Variants in FNBP4 observed in about 807,000 individuals in gnomAD.
FNBP4 encodes formin-binding protein 4.
FNBP4 carries 34 observed loss-of-function variants against 119.3 expected under a neutral mutation model. The ratio of observed to expected loss-of-function variants is 0.28; its 90% CI spans 0.22 to 0.38. FNBP4 has a LOEUF of 0.38. Ranked by LOEUF, FNBP4 falls within the 10% of genes least tolerant of loss-of-function variation. The pLI is 1.00. For missense variants in FNBP4, 1,112 were observed against 1,228.9 expected, an observed-to-expected ratio of 0.90 and a Z score of 1.42; for synonymous variants, 462 against 430.6, an observed-to-expected ratio of 1.07 and a Z score of -0.90.
intron 11 of FNBP4, chr11:47,731,963 G>A (rs771408349): frequency 6.1e-5 from 61 of 996,640 alleles, no homozygotes; most frequent in East Asian, 1.1e-4. Flanking sequence ...CTCTTGGACC[G>A]TGGAATTCAC....
intron 2 of FNBP4, among the ~76,000 whole-genome samples, chr11:47,755,326 G>C (rs1467602668): frequency 6.6e-6 from 1 of 151,134 alleles, no homozygotes; most frequent in Admixed American, 6.6e-5. Flanking sequence ...GCACATGCCT[G>C]TAATCCCAGC....
At chr11:47,722,922 TA>T in intron 15 of FNBP4, 53 bp downstream of exon 15, 3 of 1,443,014 alleles carry the variant, frequency 2.1e-6, no homozygotes, top group Admixed American at 5.1e-5. Context: ...TATGTGAATA[TA>T]ACCTCAATAA....
At chr11:47,762,576 G>A (rs1192118406) in intron 2 of FNBP4, among the ~76,000 whole-genome samples, 2 of 152,008 alleles carry the variant, frequency 1.3e-5, no homozygotes, top group Non-Finnish European at 2.9e-5. Flanking sequence ...AGGCCCACAG[G>A]TGCTCATCAG....
At position 47,730,865 on chromosome 11, in the gene FNBP4, T is replaced by C. The variant is rs115813017; in HGVS notation, c.2008+509A>G. On this transcript the variant is annotated intron_variant, in intron 12 of 16. Coordinates refer to ENST00000263773, the MANE Select transcript of FNBP4 (RefSeq NM_015308.5). ...CCAGAAGATTGCTGGTGATTTTTCATGATCAATTATTTTGCTTCTCTGAAA... is the reference window on the plus strand; with the variant it reads ...CCAGAAGATTGCTGGTGATTTTTCACGATCAATTATTTTGCTTCTCTGAAA... Among the ~76,000 whole-genome samples the C allele has an allele frequency of 7.9e-3, 1,209 of 152,368 alleles. 17 individuals carry two copies. Among genetic ancestry groups the C allele is most frequent in the African/African-American group, 0.027 (1,125 of 41,584 alleles).
intron 8 of FNBP4, among the ~76,000 whole-genome samples, chr11:47,739,954 ATTTTT>A (rs2097579518): frequency 1.0e-5 from 1 of 98,352 alleles, no homozygotes; most frequent in Non-Finnish European, 2.1e-5. Flanking sequence ...AGTTTTATGT[ATTTTT>A]GTTTGTTTGT....
chr11:47,740,579 C>G (rs2097580472), intron 8 of FNBP4, among the ~76,000 whole-genome samples: 1 of 149,580 alleles, frequency 6.7e-6, no homozygotes, highest in Non-Finnish European at 1.5e-5. Context: ...GATCTTTAAG[C>G]ACAACATACA....
intron 9 of FNBP4, among the ~76,000 whole-genome samples, chr11:47,735,592 C>CA (rs2097572888): frequency 1.3e-5 from 2 of 152,180 alleles, no homozygotes; most frequent in African/African-American, 4.8e-5. Context: ...TACTGCTTCT[C>CA]AAACAAGAGG....
intron 2 of FNBP4, among the ~76,000 whole-genome samples, chr11:47,761,354 G>C (rs2097633996): frequency 1.3e-5 from 2 of 152,116 alleles, no homozygotes; most frequent in Admixed American, 1.3e-4. Context: ...CAGCACTTTG[G>C]GAGGCTGAGA....
Position 47,767,326 on chromosome 11 carries a change from G to C in FNBP4, c.-38C>G, listed in dbSNP as rs1252503697. ...CGCGAGCAGAGAGCGTCGGGCGGCC[G>C]AGAGGGGCGGGCACTGGAGGCTGGG... is the stretch of plus-strand genomic sequence containing the variant. On this transcript the variant is annotated 5_prime_UTR_variant, in exon 1 of 17. Coordinates refer to ENST00000263773, the MANE Select transcript of FNBP4 (RefSeq NM_015308.5). 1.4e-6 allele frequency: 2 copies of C among 1,440,790 alleles called. No individual in the cohort carries two copies. Among genetic ancestry groups the C allele is most frequent in the African/African-American group, 1.5e-5 (1 of 67,678 alleles). The allele number at this position is 1,440,790 out of a possible 1,614,324, so 89.3% of individuals were successfully genotyped here.
chr11:47,751,649 AT>A (rs200062902), intron 4 of FNBP4, among the ~76,000 whole-genome samples: 5 of 152,088 alleles, frequency 3.3e-5, no homozygotes, highest in Admixed American at 6.6e-5. Context: ...CTTTGAACAC[AT>A]TTTTTAAAAA....
At chr11:47,751,781 G>A (rs2097604671) in intron 4 of FNBP4, among the ~76,000 whole-genome samples, 1 of 151,984 alleles carries the variant, frequency 6.6e-6, no homozygotes, top group Non-Finnish European at 1.5e-5. Flanking sequence ...CAGAAACCCT[G>A]TCTCTACTAA....
At chr11:47,740,179 C>G (rs992677198) in intron 8 of FNBP4, among the ~76,000 whole-genome samples, 1 of 151,900 alleles carries the variant, frequency 6.6e-6, no homozygotes, top group Non-Finnish European at 1.5e-5. Flanking sequence ...CTTTGGGAGG[C>G]AGAGACGGGC....
In FNBP4 at chr11:47,717,018, T is replaced by C. The variant is rs915652060; in HGVS notation, c.*404A>G. 1.3e-5 allele frequency: 2 copies of C among 159,262 alleles called. No individual in the cohort carries two copies. The highest frequency in any genetic ancestry group is 4.8e-5 in the African/African-American group (2 of 41,532). 9.9% of individuals were successfully genotyped at this position (159,262 alleles called of 1,614,324 possible). On this transcript the variant is annotated 3_prime_UTR_variant, in exon 17 of 17. Transcript: ENST00000263773. ...AGAGGCCAGAAAAAGCTTCAGACAA[T>C]TCCAGTCAAGCAAGGTAGAATGCAG...
intron 16 of FNBP4, among the ~76,000 whole-genome samples, 199 bp from the exon 17 acceptor site, chr11:47,717,711 C>A (rs976530908): frequency 5.3e-5 from 8 of 152,054 alleles, no homozygotes; most frequent in African/African-American, 1.7e-4. Flanking sequence ...CAAACACTAC[C>A]CCAGTTTTAC....
chr11:47,730,218 T>C, intron 12 of FNBP4: 1 of 985,218 alleles, frequency 1.0e-6, no homozygotes, highest in Non-Finnish European at 1.2e-6. Flanking sequence ...AGAACCAATA[T>C]ATTATTAGTC....
chr11:47,729,076 T>C (rs1382783714), intron 12 of FNBP4: 1 of 762,422 alleles, frequency 1.3e-6, no homozygotes, highest in Non-Finnish European at 1.6e-6. Flanking sequence ...GGTCTTGAAC[T>C]CTTGACCTCA....
intron 16 of FNBP4, among the ~76,000 whole-genome samples, chr11:47,718,905 G>GTTTTTT: frequency 7.7e-6 from 1 of 130,358 alleles, no homozygotes; most frequent in Non-Finnish European, 1.6e-5. Flanking sequence ...CACCCAACAT[G>GTTTTTT]TTTTTTTTTT....
intron 8 of FNBP4, among the ~76,000 whole-genome samples, chr11:47,738,772 C>T (rs2097577591): frequency 6.6e-6 from 1 of 150,402 alleles, no homozygotes; most frequent in African/African-American, 2.4e-5. Flanking sequence ...TCTCAACCTC[C>T]TGGGTTCAAG....
intron 8 of FNBP4, among the ~76,000 whole-genome samples, chr11:47,737,130 G>T (rs771250546): frequency 6.6e-6 from 1 of 152,182 alleles, no homozygotes; most frequent in Non-Finnish European, 1.5e-5. Context: ...GGCGGAGGTT[G>T]CAGTGAGCCG....
Sources: allele counts gnomAD v4.1 joint callset (sites outside exome capture counted in the v4.1 genomes callset), GRCh38; gene constraint gnomAD v4.1.1; transcripts MANE v1.5; gene names NCBI Gene and HGNC (gene_info 2026-07-23, HGNC 2026-07-21).